PIGF: variants seen among roughly 807,000 people sequenced by gnomAD.
The protein encoded by PIGF is phosphatidylinositol glycan anchor biosynthesis class F.
Under a neutral mutation model 26.0 loss-of-function variants are expected in PIGF, and 23 were observed. The ratio of observed to expected loss-of-function variants is 0.88; its 90% CI spans 0.64 to 1.25. The LOEUF (loss-of-function observed/expected upper bound fraction) is 1.25. Ranked by LOEUF, PIGF falls within the 50% of genes most tolerant of loss-of-function variation. The pLI is 0.00. For synonymous variants in PIGF, 93 were observed against 92.6 expected, an observed-to-expected ratio of 1.00 and a Z score of -0.03; for missense variants, 278 against 249.9, an observed-to-expected ratio of 1.11 and a Z score of -0.76.
At chr2:46,593,195 C>T (rs970535098) in intron 4 of PIGF, among the ~76,000 whole-genome samples, 25 of 147,358 alleles carry the variant, frequency 1.7e-4, no homozygotes, top group African/African-American at 4.8e-4. Flanking sequence ...TGCAATGGAG[C>T]GATCTCGGCT....
At position 46,581,048 on chromosome 2, in the gene PIGF, G is replaced by C; in HGVS notation, c.*430C>G. The C allele has an allele frequency of 1.3e-6, 2 of 1,574,204 alleles. No homozygotes were observed. The highest frequency in any genetic ancestry group is 4.5e-5 in the East Asian group (2 of 44,176). On this transcript the variant is annotated 3_prime_UTR_variant, in exon 6 of 6. Transcript: ENST00000281382. ...GAAACACACTGTAAAAAAAAGAATAGGATCAAGATGTATAAACTGTTGTTT... is the reference window on the plus strand; with the variant it reads ...GAAACACACTGTAAAAAAAAGAATACGATCAAGATGTATAAACTGTTGTTT...
At chr2:46,587,504 A>G (rs984647021) in intron 5 of PIGF, among the ~76,000 whole-genome samples, 22 of 152,150 alleles carry the variant, frequency 1.4e-4, no homozygotes, top group African/African-American at 4.3e-4. Flanking sequence ...TCTGTTGAGA[A>G]TAAGTACAAA....
chr2:46,600,683 G>A (rs958287924), intron 4 of PIGF, among the ~76,000 whole-genome samples: 4 of 152,078 alleles, frequency 2.6e-5, no homozygotes, highest in African/African-American at 9.7e-5. Flanking sequence ...ACCATACCAT[G>A]ACTATCTGTG....
intron 4 of PIGF, among the ~76,000 whole-genome samples, chr2:46,605,799 GCTTT>G (rs1670203142): frequency 6.6e-6 from 1 of 152,058 alleles, no homozygotes; most frequent in Admixed American, 6.5e-5. Context: ...TAACCTGTCA[GCTTT>G]CTAAGTTCTT....
intron 4 of PIGF, among the ~76,000 whole-genome samples, chr2:46,605,674 G>T (rs568745467): frequency 6.6e-6 from 1 of 152,202 alleles, no homozygotes; most frequent in Admixed American, 6.5e-5. Flanking sequence ...AACAGGGCAA[G>T]AACCTGTTTT....
At chr2:46,613,901 T>C in intron 2 of PIGF, 116 bp from the exon 3 acceptor site, 1 of 846,806 alleles carries the variant, frequency 1.2e-6, no homozygotes, top group Non-Finnish European at 1.9e-6. Context: ...GTTCAAATGT[T>C]CTTGGGTATA....
Position 46,612,293 on chromosome 2 carries a change from A to C in PIGF, c.372T>G (p.Thr124=). 2 of 1,489,502 alleles carry C rather than the reference A, an allele frequency of 1.3e-6. No homozygotes were observed. The highest frequency in any genetic ancestry group is 5.1e-5 in the East Asian group (2 of 39,424). The allele number at this position is 1,489,502 out of a possible 1,614,324, so 92.3% of individuals were successfully genotyped here. Residue 124 remains threonine (T), a synonymous_variant, in exon 4 of 6, where the codon ACT becomes ACG. Transcript: ENST00000281382. ...GTCCTAACAAACATAAGCAAGGCAC[A>C]GTAGTAAAAGTAGACAAAATAACTG... ...LFAVILSTFT[T]VPCLCLLGPN...
chr2:46,605,385 C>T (rs1483037317), intron 4 of PIGF, among the ~76,000 whole-genome samples: 4 of 152,040 alleles, frequency 2.6e-5, no homozygotes, highest in African/African-American at 7.2e-5. Context: ...CAGCCCTCCT[C>T]CATAGTTATC....
intron 2 of PIGF, chr2:46,614,098 T>G (rs915696013): frequency 8.2e-5 from 16 of 195,730 alleles, no homozygotes; most frequent in Non-Finnish European, 1.3e-4. Flanking sequence ...AAATACTGAT[T>G]GACATCAGAG....
chr2:46,605,955 ATTATAAATTGATAATT>A (rs1670209108), intron 4 of PIGF, among the ~76,000 whole-genome samples: 1 of 152,164 alleles, frequency 6.6e-6, no homozygotes, highest in South Asian at 2.1e-4. Flanking sequence ...AATGTTTCAC[ATTATAAATTGATAATT>A]TTTAGCCATA....
chr2:46,609,193 C>T (rs2104130134), intron 4 of PIGF, among the ~76,000 whole-genome samples: 1 of 152,362 alleles, frequency 6.6e-6, no homozygotes, highest in East Asian at 1.9e-4. Flanking sequence ...TCACCTTGCA[C>T]TTTTATGTGA....
chr2:46,587,485 T>C (rs1289631603), intron 5 of PIGF, among the ~76,000 whole-genome samples: 19 of 152,088 alleles, frequency 1.2e-4, no homozygotes, highest in Admixed American at 1.2e-3. Context: ...ATGCCTCATT[T>C]ATCTGGTGTC....
At chr2:46,583,312 C>T (rs1669464161) in intron 5 of PIGF, among the ~76,000 whole-genome samples, 1 of 152,154 alleles carries the variant, frequency 6.6e-6, no homozygotes, top group African/African-American at 2.4e-5. Context: ...TTGGTTTCCT[C>T]ATTATAAATA....
chr2:46,610,489 A>G (rs1670375320), intron 4 of PIGF, among the ~76,000 whole-genome samples: 1 of 148,788 alleles, frequency 6.7e-6, no homozygotes, highest in Admixed American at 6.7e-5. Flanking sequence ...CTTTATGAAT[A>G]TTAGAAGACG....
chr2:46,604,295 A>T lies in PIGF; in HGVS notation c.437+7933T>A, dbSNP rs1049463336. ...GTAAATCAGTACAACCATTATGGAG[A>T]TCAGTTCTCAAAAAAACAAAAACAG... On this transcript the variant is annotated intron_variant, in intron 4 of 5. Transcript: ENST00000281382. Among the ~76,000 whole-genome samples, 6 of 151,858 alleles carry T rather than the reference A, an allele frequency of 4.0e-5. No individual in the cohort carries two copies. The East Asian group carries it at 1.2e-3, about 29-fold the overall frequency.
chr2:46,616,087 G>T (rs972958807), intron 1 of PIGF: 1 of 152,078 alleles, frequency 6.6e-6, no homozygotes, highest in Non-Finnish European at 1.5e-5. Context: ...GCCCACTAGT[G>T]AGAAAAGCAG....
intron 4 of PIGF, among the ~76,000 whole-genome samples, chr2:46,606,029 C>G (rs1264512450): frequency 6.6e-6 from 1 of 152,140 alleles, no homozygotes; most frequent in Non-Finnish European, 1.5e-5. Context: ...AATTTTAGGA[C>G]AACTTTTGCA....
Position 46,588,050 on chromosome 2 carries a change from T to C in PIGF, c.546+4425A>G, listed in dbSNP as rs1175345212. The C allele has an allele frequency of 6.6e-7, 1 of 1,524,102 alleles. No individual in the cohort carries two copies. Among genetic ancestry groups the C allele is most frequent in the Non-Finnish European group, 8.8e-7 (1 of 1,135,548 alleles). The allele number at this position is 1,524,102 out of a possible 1,614,324, so 94.4% of individuals were successfully genotyped here. A position where few individuals can be genotyped will look rare whatever the true frequency, so the allele number is the denominator to read the frequency against. On this transcript the variant is annotated intron_variant, in intron 5 of 5. Coordinates refer to ENST00000281382, the MANE Select transcript of PIGF (RefSeq NM_002643.4). The surrounding 1 kb of genome is among the most constrained non-coding windows in gnomAD (Gnocchi z 4.1). ...CCCCTCTCACACTTGGACTTTCTAG[T>C]GTATAAAATGGGAGTAAAACCTACC...
intron 4 of PIGF, among the ~76,000 whole-genome samples, chr2:46,608,161 C>T (rs1670283670): frequency 6.6e-6 from 1 of 152,204 alleles, no homozygotes; most frequent in African/African-American, 2.4e-5. Context: ...CCTGCCATTG[C>T]TTTGCTTTAT....
Sources: allele counts gnomAD v4.1 joint callset (sites outside exome capture counted in the v4.1 genomes callset), GRCh38; gene constraint gnomAD v4.1.1; non-coding constraint Gnocchi (gnomAD v3.1); transcripts MANE v1.5; gene names NCBI Gene and HGNC (gene_info 2026-07-23, HGNC 2026-07-21).